The following GRB10 variants were observed in gnomAD, a reference collection of about 807,000 sequenced individuals.
The protein encoded by GRB10 is growth factor receptor bound protein 10.
Under a neutral mutation model 80.9 loss-of-function variants are expected in GRB10, and 20 were observed. The ratio of observed to expected loss-of-function variants is 0.25; its 90% CI spans 0.17 to 0.36. GRB10 has a LOEUF of 0.36. Ranked by LOEUF, GRB10 falls within the 10% of genes least tolerant of loss-of-function variation. The pLI, the probability that GRB10 is intolerant of heterozygous loss-of-function variation, is 1.00. For synonymous variants in GRB10, 291 were observed against 291.5 expected (o/e 1.00, Z 0.02); for missense variants, 548 against 747.7 (o/e 0.73, Z 3.12).
intron 7 of GRB10, chr7:50,645,727 T>C (rs2057076276): frequency 7.2e-6 from 4 of 556,350 alleles, no homozygotes; most frequent in Non-Finnish European, 6.9e-6. Context: ...GTAAACATCG[T>C]CTAGAGTTTC....
intron 5 of GRB10, among the ~76,000 whole-genome samples, chr7:50,685,036 A>G (rs1194866666): frequency 6.6e-6 from 1 of 152,204 alleles, no homozygotes; most frequent in African/African-American, 2.4e-5. Context: ...GCTCTCTCAG[A>G]AAGTCCATTT....
chr7:50,659,373 A>G (rs1479419066), intron 7 of GRB10, among the ~76,000 whole-genome samples: 1 of 152,220 alleles, frequency 6.6e-6, no homozygotes, highest in Non-Finnish European at 1.5e-5. Flanking sequence ...ACTGAAACCC[A>G]GAAAGCTAGA....
chr7:50,737,203 A>G (rs536563293), intron 3 of GRB10, among the ~76,000 whole-genome samples: 63 of 152,328 alleles, frequency 4.1e-4, no homozygotes, highest in African/African-American at 1.5e-3. Flanking sequence ...CCCAAATCTC[A>G]TGTTGAACTG....
At chr7:50,769,852 T>C (rs1480477702) in intron 2 of GRB10, among the ~76,000 whole-genome samples, 1 of 152,000 alleles carries the variant, frequency 6.6e-6, no homozygotes, top group Non-Finnish European at 1.5e-5. Flanking sequence ...CGATTAACAC[T>C]CCTTTGTTCC....
At chr7:50,699,379 A>AG (rs1250603185) in intron 5 of GRB10, among the ~76,000 whole-genome samples, 1 of 152,248 alleles carries the variant, frequency 6.6e-6, no homozygotes, top group African/African-American at 2.4e-5. Flanking sequence ...GCAATGTTGT[A>AG]GGTTTTTAAC....
rs529450407 is a variant in GRB10 at position 50,644,385 on chromosome 7, G to C, written c.505-17407C>G. Among the ~76,000 whole-genome samples, 8 of 151,732 alleles carry C rather than the reference G, an allele frequency of 5.3e-5. No homozygotes were observed. In the South Asian group the frequency reaches 1.7e-3, roughly 31 times the overall value. On this transcript the variant is annotated intron_variant, in intron 7 of 18. Transcript: ENST00000401949. Reference sequence around the variant, plus strand: ...TGTGATGGCCGAGCTCAGGGACACAGATAGGGAAGGGACGTAGCACCCGCT... The same window carrying C: ...TGTGATGGCCGAGCTCAGGGACACACATAGGGAAGGGACGTAGCACCCGCT...
intron 2 of GRB10, among the ~76,000 whole-genome samples, chr7:50,764,817 A>T (rs1399077539): frequency 6.6e-6 from 1 of 152,244 alleles, no homozygotes; most frequent in Non-Finnish European, 1.5e-5. Flanking sequence ...AAGCACCAGG[A>T]ATAAGCAACA....
chr7:50,625,744 A>G (rs1398753911), intron 8 of GRB10, among the ~76,000 whole-genome samples: 2 of 152,254 alleles, frequency 1.3e-5, no homozygotes, highest in African/African-American at 4.8e-5. Context: ...TCCTTCAAAA[A>G]GCATACCGTC....
intron 5 of GRB10, among the ~76,000 whole-genome samples, chr7:50,676,906 G>C (rs1036759063): frequency 2.6e-5 from 4 of 152,174 alleles, no homozygotes. Context: ...GGACAGAAGG[G>C]AGGCTGCTGA....
chr7:50,600,250 A>G lies in GRB10; in HGVS notation c.1544+3748T>C, dbSNP rs141075954. On this transcript the variant is annotated intron_variant, in intron 17 of 18. Coordinates refer to ENST00000401949, the MANE Select transcript of GRB10 (RefSeq NM_001350814.2). ...AACTCAAAAACGTCACAGAAAGAGAAATTTCTGTGTTAGGCTTTTCTCTCC... is the reference window on the plus strand; with the variant it reads ...AACTCAAAAACGTCACAGAAAGAGAGATTTCTGTGTTAGGCTTTTCTCTCC... Among the ~76,000 whole-genome samples the G allele has an allele frequency of 1.6e-3, 240 of 152,298 alleles. 2 individuals are homozygous for G. The highest frequency in any genetic ancestry group is 2.3e-3 in the Non-Finnish European group (159 of 68,030).
chr7:50,599,005 T>C (rs1270953954), intron 17 of GRB10, among the ~76,000 whole-genome samples: 2 of 149,880 alleles, frequency 1.3e-5, no homozygotes, highest in African/African-American at 4.9e-5. Context: ...GGGGGTGGGG[T>C]GGGATTGTTT....
intron 3 of GRB10, among the ~76,000 whole-genome samples, chr7:50,735,521 A>G (rs1171023642): frequency 1.3e-5 from 2 of 152,292 alleles, no homozygotes; most frequent in Non-Finnish European, 2.9e-5. Flanking sequence ...GTTTTTCTGT[A>G]GGTTGAACAT....
At chr7:50,760,957 C>G (rs2075699048) in intron 2 of GRB10, among the ~76,000 whole-genome samples, 1 of 152,222 alleles carries the variant, frequency 6.6e-6, no homozygotes, top group Non-Finnish European at 1.5e-5. Context: ...TTACCAAATG[C>G]TTTACAATCT....
chr7:50,620,907 A>G (rs935285741), intron 8 of GRB10, among the ~76,000 whole-genome samples: 1 of 152,262 alleles, frequency 6.6e-6, no homozygotes, highest in Non-Finnish European at 1.5e-5. Context: ...GGAAAAAACA[A>G]AAACAAAAAC....
rs540327055 is a variant in GRB10, at chr7:50,637,831, T to C, written c.505-10853A>G. ...CATGGCTCAAGGAACTAAAACAGCA[T>C]GGTACTGGTAAAAAAAACAGACATA... On this transcript the variant is annotated intron_variant, in intron 7 of 18. Coordinates refer to ENST00000401949, the MANE Select transcript of GRB10 (RefSeq NM_001350814.2). 4.3e-3 allele frequency among the ~76,000 whole-genome samples: 469 copies of C among 108,040 alleles called. 1 individual carries two copies. The highest frequency in any genetic ancestry group is 0.014 in the African/African-American group (437 of 30,714). The allele number at this position is 108,040 out of a possible 152,430, so 70.9% of individuals were successfully genotyped here.
At chr7:50,734,276 C>T in intron 3 of GRB10, among the ~76,000 whole-genome samples, 1 of 152,088 alleles carries the variant, frequency 6.6e-6, no homozygotes, top group Non-Finnish European at 1.5e-5. Flanking sequence ...CTCTACCTCA[C>T]CCCACCACCT....
chr7:50,785,548 C>T (rs1016364186), upstream of GRB10, among the ~76,000 whole-genome samples: 2 of 152,240 alleles, frequency 1.3e-5, no homozygotes, highest in Admixed American at 6.5e-5. Flanking sequence ...ACCCCAACCC[C>T]TTCCCAGCAC....
rs372399173 is a variant in GRB10 at position 50,639,156 on chromosome 7, G to T, written c.505-12178C>A. On this transcript the variant is annotated intron_variant, in intron 7 of 18. Transcript: ENST00000401949. ...CTGTTGGGTAAAATCTTCACTATTT[G>T]GGTGATGGGTACAGTAGAAACTCAA... Among the ~76,000 whole-genome samples the T allele has an allele frequency of 9.9e-5, 15 of 152,204 alleles. No homozygotes were observed. The East Asian group carries it at 2.9e-3, about 29-fold the overall frequency.
chr7:50,732,919 G>C (rs936573640), intron 3 of GRB10, among the ~76,000 whole-genome samples: 1 of 152,136 alleles, frequency 6.6e-6, no homozygotes, highest in African/African-American at 2.4e-5. Flanking sequence ...ACGGCACCTA[G>C]TACCGAATAA....
Sources: gnomAD v4.1 joint callset for allele counts (sites outside exome capture counted in the v4.1 genomes callset) on GRCh38, gnomAD v4.1.1 for gene constraint, MANE v1.5 for transcripts, NCBI Gene and HGNC (gene_info 2026-07-23, HGNC 2026-07-21) for gene names.